TBC1D19: variants seen among roughly 807,000 people sequenced by gnomAD.
TBC1D19 encodes the protein TBC1 domain family, member 19.
Under a neutral mutation model 89.0 loss-of-function variants are expected in TBC1D19, and 60 were observed. That is an observed-to-expected ratio of 0.67 (90% confidence interval 0.55 to 0.84). The LOEUF is 0.84. TBC1D19 is among the 40% of genes least tolerant of loss of function. TBC1D19 has a pLI of 0.00. For missense variants in TBC1D19, 500 were observed against 610.8 expected, an observed-to-expected ratio of 0.82 and a Z score of 1.91; for synonymous variants, 189 against 199.7, an observed-to-expected ratio of 0.95 and a Z score of 0.45.
chr4:26,829,608 G>C, the TBC1D19 span, among the ~76,000 whole-genome samples: 1 of 152,176 alleles, frequency 6.6e-6, no homozygotes, highest in South Asian at 2.1e-4. Context: ...CAGAAAAAGG[G>C]ATAAATTGAT....
chr4:26,661,115 A>T (rs1334115861), intron 8 of TBC1D19, among the ~76,000 whole-genome samples: 1 of 152,100 alleles, frequency 6.6e-6, no homozygotes, highest in Non-Finnish European at 1.5e-5. Flanking sequence ...CCAGATTCCC[A>T]TCACCATGCC....
At chr4:26,789,648 C>T in the TBC1D19 span, among the ~76,000 whole-genome samples, 14 of 152,204 alleles carry the variant, frequency 9.2e-5, no homozygotes, top group Non-Finnish European at 1.6e-4. Context: ...AGTATGGAGA[C>T]GTCTCAAGGA....
upstream of TBC1D19, among the ~76,000 whole-genome samples, chr4:26,583,557 G>A (rs982030142): frequency 6.6e-6 from 1 of 152,162 alleles, no homozygotes; most frequent in African/African-American, 2.4e-5. Flanking sequence ...AGACGAGATT[G>A]TCTACTTATT....
At chr4:26,727,208 A>G (rs928808709) in intron 15 of TBC1D19, among the ~76,000 whole-genome samples, 1 of 152,162 alleles carries the variant, frequency 6.6e-6, no homozygotes, top group Non-Finnish European at 1.5e-5. Context: ...AGGCAAAGGG[A>G]AGGATTTTGA....
chr4:26,656,495 G>C (rs1240126966), intron 7 of TBC1D19, among the ~76,000 whole-genome samples: 1 of 150,666 alleles, frequency 6.6e-6, no homozygotes, highest in African/African-American at 2.4e-5. Context: ...CATATTCTAT[G>C]TTTATACTTA....
chr4:26,842,340 CTTTTTTTTTTT>C, the TBC1D19 span, among the ~76,000 whole-genome samples: 3 of 81,576 alleles, frequency 3.7e-5, no homozygotes, highest in African/African-American at 9.2e-5. Context: ...CTTTTCTTTT[CTTTTTTTTTTT>C]TTTTTTTTTT....
intron 7 of TBC1D19, among the ~76,000 whole-genome samples, chr4:26,650,192 TAGC>T (rs1378592563): frequency 2.6e-5 from 4 of 152,062 alleles, no homozygotes; most frequent in African/African-American, 9.7e-5. Flanking sequence ...TGTGTCTTTA[TAGC>T]AGCATGATTT....
chr4:26,820,242 T>G, the TBC1D19 span, among the ~76,000 whole-genome samples: 3 of 145,176 alleles, frequency 2.1e-5, no homozygotes, highest in Non-Finnish European at 3.0e-5. Flanking sequence ...ATGGTTACCA[T>G]GCAGTACAAG....
At chr4:26,614,917 A>G (rs1741589888) in intron 3 of TBC1D19, among the ~76,000 whole-genome samples, 1 of 152,084 alleles carries the variant, frequency 6.6e-6, no homozygotes, top group South Asian at 2.1e-4. Context: ...ACCTCAAGTG[A>G]TGCACCTGCA....
At chr4:26,825,626 G>A in the TBC1D19 span, among the ~76,000 whole-genome samples, 2 of 152,182 alleles carry the variant, frequency 1.3e-5, no homozygotes, top group Non-Finnish European at 2.9e-5. Flanking sequence ...TAGTTAAGTA[G>A]CATGATCTGA....
At chr4:26,764,034 G>A in the TBC1D19 span, among the ~76,000 whole-genome samples, 6 of 152,162 alleles carry the variant, frequency 3.9e-5, no homozygotes, top group Non-Finnish European at 8.8e-5. Context: ...TTTCAAATAT[G>A]TATGCCTGTT....
At chr4:26,595,780 C>G (rs1198194218) in intron 1 of TBC1D19, among the ~76,000 whole-genome samples, 2 of 151,970 alleles carry the variant, frequency 1.3e-5, no homozygotes, top group African/African-American at 4.8e-5. Context: ...TTATGTGGAT[C>G]TATTTCTAGG....
intron 1 of TBC1D19, among the ~76,000 whole-genome samples, chr4:26,577,274 T>TTC (rs1738994305): frequency 6.6e-6 from 1 of 151,978 alleles, no homozygotes; most frequent in Non-Finnish European, 1.5e-5. Flanking sequence ...AAAATCTCTC[T>TTC]TCTCTCTCGT....
chr4:26,761,946 G>A, the TBC1D19 span, among the ~76,000 whole-genome samples: 3 of 152,168 alleles, frequency 2.0e-5, no homozygotes, highest in East Asian at 5.8e-4. Flanking sequence ...GGCCAACATG[G>A]TGAAACCCCG....
the TBC1D19 span, among the ~76,000 whole-genome samples, chr4:26,854,881 G>A: frequency 6.6e-6 from 1 of 152,162 alleles, no homozygotes; most frequent in Non-Finnish European, 1.5e-5. Flanking sequence ...CAGGGATCTG[G>A]CTTCTCTGGC....
At chr4:26,735,562 T>C in intron 16 of TBC1D19, 75 bp downstream of exon 16, 1 of 1,296,570 alleles carries the variant, frequency 7.7e-7, no homozygotes, top group Non-Finnish European at 1.0e-6. Flanking sequence ...AAATAATGAC[T>C]GACAGATATA....
chr4:26,643,957 A>G (rs1044661655), intron 7 of TBC1D19, among the ~76,000 whole-genome samples: 15 of 152,200 alleles, frequency 9.9e-5, no homozygotes, highest in African/African-American at 3.6e-4. Context: ...AAAGAAGTCT[A>G]TGACGAGATG....
intron 13 of TBC1D19, among the ~76,000 whole-genome samples, chr4:26,695,830 G>A (rs1714724160): frequency 6.6e-6 from 1 of 152,122 alleles, no homozygotes; most frequent in African/African-American, 2.4e-5. Flanking sequence ...TCACCACCAG[G>A]CCTGCCCTAC....
At chr4:26,757,319 C>G (rs10428307), downstream of TBC1D19, among the ~76,000 whole-genome samples, 1 of 152,028 alleles carries the variant, frequency 6.6e-6, no homozygotes, top group South Asian at 2.1e-4. Context: ...CGGACCTGTC[C>G]GCTCCATCTT....
Sources: gnomAD v4.1 joint callset for allele counts (sites outside exome capture counted in the v4.1 genomes callset) on GRCh38, gnomAD v4.1.1 for gene constraint, MANE v1.5 for transcripts, NCBI Gene and HGNC (gene_info 2026-07-23, HGNC 2026-07-21) for gene names.